The following HOMER1 variants were observed in gnomAD, a reference collection of about 807,000 sequenced individuals.
HOMER1 encodes homer protein homolog 1.
In HOMER1, 3 loss-of-function variants were observed where a neutral mutation model predicts 48.9. The observed-to-expected ratio is 0.06, with a 90% CI of 0.03 to 0.16. The LOEUF (loss-of-function observed/expected upper bound fraction) is 0.16. HOMER1 is among the 10% of genes least tolerant of loss of function. The pLI, the probability that HOMER1 is intolerant of heterozygous loss-of-function variation, is 1.00. For missense variants in HOMER1, 247 were observed against 411.4 expected (o/e 0.60, Z 3.46); for synonymous variants, 134 against 146.4 (o/e 0.92, Z 0.61).
At position 79,425,250 on chromosome 5, in the gene HOMER1, G is replaced by GA. The variant is rs961685375; in HGVS notation, c.527+13759dup. On this transcript the variant is annotated intron_variant, in intron 5 of 8. Coordinates refer to ENST00000334082, the MANE Select transcript of HOMER1 (RefSeq NM_004272.5). ...GGGAAACTGGCTGTCTCCGGAGTAG[G>GA]AAAAAAAAAAAATCTAACTTGGAGA... 6.8e-3 allele frequency among the ~76,000 whole-genome samples: 977 copies of GA among 143,300 alleles called. 9 individuals are homozygous for GA. Among genetic ancestry groups the GA allele is most frequent in the African/African-American group, 0.02 (803 of 39,390 alleles). The allele number at this position is 143,300 out of a possible 152,430, so 94.0% of individuals were successfully genotyped here. A position where few individuals can be genotyped will look rare whatever the true frequency, so the allele number is the denominator to read the frequency against.
At chr5:79,456,169 C>T (rs1426822112) in intron 2 of HOMER1, among the ~76,000 whole-genome samples, 1 of 150,006 alleles carries the variant, frequency 6.7e-6, no homozygotes, top group Non-Finnish European at 1.5e-5. Context: ...AAAAAGGGAT[C>T]CCCAACCAAC....
At chr5:79,381,368 G>C in intron 8 of HOMER1, among the ~76,000 whole-genome samples, 1 of 152,202 alleles carries the variant, frequency 6.6e-6, no homozygotes, top group Non-Finnish European at 1.5e-5. Flanking sequence ...CCCTATGAAA[G>C]CAAATTTTAA....
intron 1 of HOMER1, among the ~76,000 whole-genome samples, chr5:79,486,189 C>T (rs1229345834): frequency 6.6e-6 from 1 of 152,156 alleles, no homozygotes; most frequent in Non-Finnish European, 1.5e-5. Context: ...ACCCCACAGC[C>T]CTCAGTTAAG....
rs559063279 is a variant in HOMER1 at position 79,453,656 on chromosome 5, C to T, written c.163-2535G>A. Among the ~76,000 whole-genome samples, 5 of 152,276 alleles carry T rather than the reference C, an allele frequency of 3.3e-5. No homozygotes were observed. In the South Asian group the frequency reaches 1.0e-3, roughly 32 times the overall value. ...AAGAGGTAGAAATGCAGTGTCATTA[C>T]TACCTCATGTATGGATCACACAGTG... On this transcript the variant is annotated intron_variant, in intron 2 of 8. Transcript: ENST00000334082.
chr5:79,396,236 C>T (rs1222249873), intron 8 of HOMER1, among the ~76,000 whole-genome samples: 1 of 151,956 alleles, frequency 6.6e-6, no homozygotes, highest in East Asian at 1.9e-4. Flanking sequence ...ACGAAAAGTA[C>T]TAACTTGTGT....
intron 5 of HOMER1, among the ~76,000 whole-genome samples, chr5:79,413,161 A>G (rs1241645769): frequency 6.6e-6 from 1 of 152,246 alleles, no homozygotes; most frequent in African/African-American, 2.4e-5. Flanking sequence ...GAAATACTAG[A>G]AAGTCTAACA....
At chr5:79,410,523 A>G (rs955995056) in intron 5 of HOMER1, among the ~76,000 whole-genome samples, 5 of 151,140 alleles carry the variant, frequency 3.3e-5, no homozygotes, top group Non-Finnish European at 7.4e-5. Flanking sequence ...AAGAAATAGA[A>G]TTTAGGAAGT....
intron 5 of HOMER1, among the ~76,000 whole-genome samples, chr5:79,414,107 A>T (rs1318214263): frequency 6.6e-6 from 1 of 151,934 alleles, no homozygotes; most frequent in South Asian, 2.1e-4. Context: ...TATTATTTTG[A>T]GATAGGGTCT....
chr5:79,420,046 T>C (rs1750054287), intron 5 of HOMER1, among the ~76,000 whole-genome samples: 1 of 152,242 alleles, frequency 6.6e-6, no homozygotes, highest in African/African-American at 2.4e-5. Context: ...AGACATGTGA[T>C]GCTAGTATTG....
In HOMER1 at chr5:79,392,365, T is replaced by C. The variant is rs535237649; in HGVS notation, c.876+4458A>G. Among the ~76,000 whole-genome samples the C allele has an allele frequency of 5.9e-5, 9 of 152,176 alleles. No individual in the cohort carries two copies. The South Asian group carries it at 6.2e-4, about 10-fold the overall frequency. ...GATGTGGAGGTAGAAAACAGTGATA[T>C]TGATGATCCCAACCTTGTGTAGGCA... is the stretch of plus-strand genomic sequence containing the variant. On this transcript the variant is annotated intron_variant, in intron 8 of 8. Transcript: ENST00000334082.
intron 8 of HOMER1, among the ~76,000 whole-genome samples, chr5:79,392,506 T>C (rs183518732): frequency 1.3e-5 from 2 of 152,352 alleles, no homozygotes; most frequent in African/African-American, 4.8e-5. Context: ...AATAGTTTTC[T>C]ACAGCTGAAT....
At chr5:79,496,811 T>C (rs185965347) in intron 1 of HOMER1, among the ~76,000 whole-genome samples, 1 of 152,124 alleles carries the variant, frequency 6.6e-6, no homozygotes, top group Non-Finnish European at 1.5e-5. Context: ...ATGCCTGTAA[T>C]TCCAGCTCTT....
At chr5:79,507,730 T>C (rs764727298) in intron 1 of HOMER1, among the ~76,000 whole-genome samples, 4 of 151,534 alleles carry the variant, frequency 2.6e-5, no homozygotes, top group African/African-American at 9.7e-5. Context: ...AAAAATCACA[T>C]GGCAGTAGAG....
intron 5 of HOMER1, among the ~76,000 whole-genome samples, chr5:79,429,365 ACT>A (rs1341547944): frequency 2.0e-5 from 3 of 152,104 alleles, no homozygotes; most frequent in African/African-American, 4.8e-5. Flanking sequence ...ACAAAGCAAG[ACT>A]CTGTCTGAAA....
At chr5:79,415,319 C>G (rs1156604595) in intron 5 of HOMER1, among the ~76,000 whole-genome samples, 1 of 151,904 alleles carries the variant, frequency 6.6e-6, no homozygotes, top group Non-Finnish European at 1.5e-5. Context: ...CTCAGCCTCC[C>G]AAAGGGTTGG....
chr5:79,377,012 A>C (rs1018481326), intron 8 of HOMER1, among the ~76,000 whole-genome samples: 3 of 152,196 alleles, frequency 2.0e-5, no homozygotes, highest in African/African-American at 7.2e-5. Context: ...GTCCCCCAGG[A>C]TGGAGTGCAA....
Position 79,491,561 on chromosome 5 carries a change from CAT to C in HOMER1, c.5+21207_5+21208del, listed in dbSNP as rs1337573036. On this transcript the variant is annotated intron_variant, in intron 1 of 8. Transcript: ENST00000334082. ...TTATGTTGAAAATCAGCCTGTGTCA[CAT>C]GTGTTGTTATGAGTTACTGTGATAC... is the stretch of plus-strand genomic sequence containing the variant. 2.0e-5 allele frequency among the ~76,000 whole-genome samples: 3 copies of C among 151,444 alleles called. No individual in the cohort carries two copies. In the East Asian group the frequency reaches 5.8e-4, roughly 29 times the overall value.
chr5:79,388,398 A>G (rs1749169861), intron 8 of HOMER1, among the ~76,000 whole-genome samples: 2 of 152,230 alleles, frequency 1.3e-5, no homozygotes, highest in African/African-American at 4.8e-5. Context: ...CTGCTATTCT[A>G]TCCACAAAAT....
At chr5:79,471,373 C>T (rs1318277911) in intron 1 of HOMER1, among the ~76,000 whole-genome samples, 1 of 151,546 alleles carries the variant, frequency 6.6e-6, no homozygotes, top group Non-Finnish European at 1.5e-5. Context: ...GGTGAAACCC[C>T]GTCTCTACTA....
Sources: gnomAD v4.1 joint callset for allele counts (sites outside exome capture counted in the v4.1 genomes callset) on GRCh38, gnomAD v4.1.1 for gene constraint, MANE v1.5 for transcripts, NCBI Gene and HGNC (gene_info 2026-07-23, HGNC 2026-07-21) for gene names.